The following TRAPPC11 variants were observed in gnomAD, a reference collection of about 807,000 sequenced individuals.
TRAPPC11 encodes foie gras homolog.
TRAPPC11 carries 104 observed loss-of-function variants against 151.2 expected under a neutral mutation model. The ratio of observed to expected loss-of-function variants is 0.69; its 90% CI spans 0.59 to 0.81. The LOEUF is 0.81. Ranked by LOEUF, TRAPPC11 falls within the 30% of genes least tolerant of loss-of-function variation. TRAPPC11 has a pLI of 0.00. For synonymous variants in TRAPPC11, 456 were observed against 472.3 expected, an observed-to-expected ratio of 0.97 and a Z score of 0.45; for missense variants, 1,230 against 1,349.6, an observed-to-expected ratio of 0.91 and a Z score of 1.39.
rs770361045 is a variant in TRAPPC11 at position 183,684,205 on chromosome 4, C to T, written c.1348C>T (p.Arg450Ter). The change falls in exon 13 of 30, where the codon CGA (arginine) becomes TGA (stop). Residue 450 changes from arginine (R) to a stop codon, truncating the protein, a stop_gained. Coordinates refer to ENST00000334690, the MANE Select transcript of TRAPPC11 (RefSeq NM_021942.6). LOFTEE classifies it high-confidence loss of function. ...ACAGTTCAAGAAGTATAAGTGCCCG[C>T]GAATGAAAAGTCACCTAAGTATGTA... ...VAQFKKYKCPRMKSHLMVQMG... is the reference protein window; with the variant it reads ...VAQFKKYKCP The T allele has an allele frequency of 5.6e-6, 9 of 1,613,974 alleles. No homozygotes were observed. The highest frequency in any genetic ancestry group is 2.2e-5 in the East Asian group (1 of 44,854).
At chr4:183,667,371 G>A (rs192723542) in intron 4 of TRAPPC11, among the ~76,000 whole-genome samples, 10 of 152,158 alleles carry the variant, frequency 6.6e-5, no homozygotes, top group African/African-American at 1.9e-4. Flanking sequence ...CTTATGTAGG[G>A]GATATAGGAA....
At chr4:183,710,080 A>C (rs1381028143) in intron 29 of TRAPPC11, among the ~76,000 whole-genome samples, 1 of 152,190 alleles carries the variant, frequency 6.6e-6, no homozygotes, top group South Asian at 2.1e-4. Flanking sequence ...CTAGCTGCAC[A>C]GAAATAGCTT....
intron 23 of TRAPPC11, among the ~76,000 whole-genome samples, chr4:183,696,961 C>T (rs1050368254): frequency 1.3e-5 from 2 of 152,060 alleles, no homozygotes; most frequent in African/African-American, 4.8e-5. Flanking sequence ...ACGTCTGATT[C>T]CTCCTCTGCA....
At chr4:183,697,947 C>G in intron 25 of TRAPPC11, 112 bp downstream of exon 25, 1 of 996,724 alleles carries the variant, frequency 1.0e-6, no homozygotes, top group Non-Finnish European at 1.4e-6. Context: ...AGTGAGGGAA[C>G]TTGAGACCTG....
chr4:183,703,800 C>T (rs940802495), intron 26 of TRAPPC11, among the ~76,000 whole-genome samples: 1 of 152,222 alleles, frequency 6.6e-6, no homozygotes, highest in African/African-American at 2.4e-5. Flanking sequence ...TTATAGTTCC[C>T]ACTTTAGCTG....
intron 1 of TRAPPC11, among the ~76,000 whole-genome samples, chr4:183,663,364 G>C (rs2111286719): frequency 6.6e-6 from 1 of 152,276 alleles, no homozygotes; most frequent in Non-Finnish European, 1.5e-5. Context: ...CTCCTGAGTA[G>C]CTGGGACTAC....
chr4:183,692,565 T>C (rs1736306549), intron 19 of TRAPPC11, among the ~76,000 whole-genome samples: 1 of 152,186 alleles, frequency 6.6e-6, no homozygotes, highest in Non-Finnish European at 1.5e-5. Flanking sequence ...TGTAAATATT[T>C]TTGAGAAAAA....
chr4:183,672,536 G>A (rs1465659535), intron 5 of TRAPPC11, among the ~76,000 whole-genome samples: 1 of 152,130 alleles, frequency 6.6e-6, no homozygotes, highest in Non-Finnish European at 1.5e-5. Context: ...TGGTTATAAG[G>A]TTTTCTCCAA....
chr4:183,688,915 T>C (rs1736119037), intron 18 of TRAPPC11, among the ~76,000 whole-genome samples: 1 of 152,134 alleles, frequency 6.6e-6, no homozygotes, highest in Admixed American at 6.6e-5. Flanking sequence ...GCCCAGCTAA[T>C]TTTTGTATTT....
chr4:183,666,465 A>T (rs1734888995), intron 3 of TRAPPC11, 39 bp downstream of exon 3: 1 of 1,597,480 alleles, frequency 6.3e-7, no homozygotes, highest in African/African-American at 1.4e-5. Flanking sequence ...GTCAGTTTGC[A>T]CATGTGTGTT....
intron 4 of TRAPPC11, 111 bp from the exon 5 acceptor site, chr4:183,667,892 T>G (rs1734961554): frequency 1.3e-6 from 1 of 781,850 alleles, no homozygotes; most frequent in East Asian, 2.5e-5. Flanking sequence ...GATGAAAAGC[T>G]GTTTGGGTTT....
At position 183,693,630 on chromosome 4, in the gene TRAPPC11, A is replaced by T; in HGVS notation, c.2279A>T (p.His760Leu). The T allele has an allele frequency of 6.2e-7, 1 of 1,614,072 alleles. No homozygotes were observed. Among genetic ancestry groups the T allele is most frequent in the Admixed American group, 1.7e-5 (1 of 59,996 alleles). ...CCAAACATTTCTGTACATCTGCTACATGAACCCCCTGCACTGACTAATGAA... is the reference window on the plus strand; with the variant it reads ...CCAAACATTTCTGTACATCTGCTACTTGAACCCCCTGCACTGACTAATGAA... The part of the protein sequence containing the change: ...RVPNISVHLL[H>L]EPPALTNEMY... The change falls in exon 21 of 30, where the codon CAT (histidine) becomes CTT (leucine). Residue 760 changes from histidine (H) to leucine (L), a missense_variant. Physicochemically the swap from His to Leu is moderately conservative, Grantham distance 99. Transcript: ENST00000334690.
At chr4:183,663,735 T>TG (rs1554005634) in intron 1 of TRAPPC11, 112 bp from the exon 2 acceptor site, 1 of 580,148 alleles carries the variant, frequency 1.7e-6, no homozygotes, top group Non-Finnish European at 2.9e-6. Flanking sequence ...GAATATGAGT[T>TG]GTTTTTTTTT....
intron 8 of TRAPPC11, among the ~76,000 whole-genome samples, chr4:183,678,694 CTGAT>C (rs1424084617): frequency 2.0e-5 from 3 of 152,140 alleles, no homozygotes; most frequent in Non-Finnish European, 2.9e-5. Context: ...ATGGCAGAAA[CTGAT>C]TGCCTCTAGA....
In TRAPPC11 at chr4:183,691,399, A is replaced by G. The variant is rs1736252044; in HGVS notation, c.1977A>G (p.Leu659=). The change falls in exon 19 of 30, where the codon CTA becomes CTG. Residue 659 remains leucine, a synonymous_variant. Transcript: ENST00000334690. The part of the protein sequence containing the change: ...LENLTQGKMC[L]VPGKTRKLLF... ...ATCTGACTCAAGGAAAGATGTGCCTAGTTCCTGGCAAAACAAGAAAACTGT... is the reference window on the plus strand; with the variant it reads ...ATCTGACTCAAGGAAAGATGTGCCTGGTTCCTGGCAAAACAAGAAAACTGT... 6.4e-7 allele frequency: 1 copy of G among 1,559,502 alleles called. No homozygotes were observed. Among genetic ancestry groups the G allele is most frequent in the Admixed American group, 1.7e-5 (1 of 58,818 alleles).
In TRAPPC11 at chr4:183,659,390, T is replaced by G; in HGVS notation, c.-79T>G. On this transcript the variant is annotated 5_prime_UTR_variant, in exon 1 of 30. Transcript: ENST00000334690. ...TGACATCCCCCCGCCTCCCCTCGTC[T>G]TCTCCCGGCTGGCGGCGACCGGCCT... The G allele has an allele frequency of 1.2e-5, 2 of 160,862 alleles. No individual in the cohort carries two copies. Among genetic ancestry groups the G allele is most frequent in the Admixed American group, 6.4e-5 (1 of 15,518 alleles). 10.0% of individuals were successfully genotyped at this position (160,862 alleles called of 1,614,324 possible).
At chr4:183,670,542 A>G (rs1345125650) in intron 5 of TRAPPC11, among the ~76,000 whole-genome samples, 1 of 152,216 alleles carries the variant, frequency 6.6e-6, no homozygotes, top group South Asian at 2.1e-4. Context: ...ATGCTTCTCA[A>G]AGGAAAGTTG....
intron 26 of TRAPPC11, among the ~76,000 whole-genome samples, chr4:183,704,064 A>G (rs1327229860): frequency 6.6e-6 from 1 of 152,174 alleles, no homozygotes; most frequent in Non-Finnish European, 1.5e-5. Flanking sequence ...CTACCAAAAC[A>G]CTGTATTAAA....
chr4:183,661,623 G>A (rs1475379921), intron 1 of TRAPPC11, among the ~76,000 whole-genome samples: 3 of 151,716 alleles, frequency 2.0e-5, no homozygotes, highest in Non-Finnish European at 2.9e-5. Flanking sequence ...CGCCCGCCTC[G>A]GCCTCCCAAA....
Sources: allele counts gnomAD v4.1 joint callset (sites outside exome capture counted in the v4.1 genomes callset), GRCh38; gene constraint gnomAD v4.1.1; transcripts MANE v1.5; gene names NCBI Gene and HGNC (gene_info 2026-07-23, HGNC 2026-07-21).